The following SLC35D4 variants were observed in gnomAD, a reference collection of about 807,000 sequenced individuals.
SLC35D4 encodes the protein solute carrier family 35 member D4.
At chr18:23,401,588 C>T in the SLC35D4 span, among the ~76,000 whole-genome samples, 2 of 152,166 alleles carry the variant, frequency 1.3e-5, no homozygotes, top group African/African-American at 4.8e-5. Flanking sequence ...AGGATACAGG[C>T]CCATGGCCTG....
At chr18:23,399,986 G>A in the SLC35D4 span, among the ~76,000 whole-genome samples, 1 of 152,164 alleles carries the variant, frequency 6.6e-6, no homozygotes, top group South Asian at 2.1e-4. Context: ...CAAAAGTTTT[G>A]AATCCACTAC....
the SLC35D4 span, among the ~76,000 whole-genome samples, chr18:23,435,089 C>T: frequency 3.3e-5 from 5 of 149,538 alleles, no homozygotes; most frequent in African/African-American, 9.9e-5. Flanking sequence ...ACCTGGGAGG[C>T]GGAGGTTGTG....
the SLC35D4 span, among the ~76,000 whole-genome samples, chr18:23,430,241 T>C: frequency 1.7e-4 from 3 of 18,066 alleles, no homozygotes; most frequent in African/African-American, 4.8e-4. Flanking sequence ...CCAGTTTTCT[T>C]TTTTATTTTT....
the SLC35D4 span, among the ~76,000 whole-genome samples, chr18:23,336,118 T>C: frequency 6.6e-6 from 1 of 152,052 alleles, no homozygotes; most frequent in Non-Finnish European, 1.5e-5. Context: ...TGTCCACTCA[T>C]AGCACTCATT....
chr18:23,431,153 CAAAAA>C, the SLC35D4 span, among the ~76,000 whole-genome samples: 1 of 66,248 alleles, frequency 1.5e-5, no homozygotes, highest in Admixed American at 2.2e-4. Context: ...GAGTATATCT[CAAAAA>C]AAAAAAAAAA....
the SLC35D4 span, among the ~76,000 whole-genome samples, chr18:23,292,335 G>A: frequency 1.5e-3 from 229 of 152,326 alleles, 1 homozygote; most frequent in African/African-American, 5.2e-3. Flanking sequence ...CTGGAAACAC[G>A]CAGAGTGATA....
At chr18:23,266,675 A>G in the SLC35D4 span, among the ~76,000 whole-genome samples, 1 of 152,168 alleles carries the variant, frequency 6.6e-6, no homozygotes, top group African/African-American at 2.4e-5. Flanking sequence ...GCTTTCTTGA[A>G]ACCAAATTCC....
chr18:23,427,553 A>G, the SLC35D4 span, among the ~76,000 whole-genome samples: 1 of 152,086 alleles, frequency 6.6e-6, no homozygotes, highest in East Asian at 1.9e-4. Context: ...AAATAGGAAC[A>G]CTTTTACACT....
the SLC35D4 span, among the ~76,000 whole-genome samples, chr18:23,355,869 G>T: frequency 0.24 from 35,756 of 152,048 alleles, 5,063 homozygotes; most frequent in East Asian, 0.4. Flanking sequence ...GCAATTCTGG[G>T]GTTCAACCTG....
chr18:23,399,554 TC>T, the SLC35D4 span: 2 of 1,613,232 alleles, frequency 1.2e-6, no homozygotes, highest in African/African-American at 2.7e-5. Flanking sequence ...CCCCTGAACC[TC>T]TAATACTTAC....
At chr18:23,247,514 T>C in the SLC35D4 span, among the ~76,000 whole-genome samples, 2 of 152,184 alleles carry the variant, frequency 1.3e-5, no homozygotes, top group Non-Finnish European at 2.9e-5. Flanking sequence ...CAGTTGTGTA[T>C]CCCATGCAGC....
At chr18:23,383,754 C>T in the SLC35D4 span, among the ~76,000 whole-genome samples, 21 of 152,088 alleles carry the variant, frequency 1.4e-4, no homozygotes, top group Non-Finnish European at 2.5e-4. Flanking sequence ...GAAGGAGAGC[C>T]CATCCTCTCC....
the SLC35D4 span, chr18:23,430,559 A>C: frequency 7.6e-7 from 1 of 1,313,894 alleles, no homozygotes; most frequent in Non-Finnish European, 1.1e-6. Flanking sequence ...GCAGTTATTA[A>C]AACTATTTCA....
the SLC35D4 span, among the ~76,000 whole-genome samples, chr18:23,283,608 G>C: frequency 6.6e-6 from 1 of 151,850 alleles, no homozygotes; most frequent in Non-Finnish European, 1.5e-5. Context: ...TCAGGAGTTC[G>C]AGTCCAGTCC....
the SLC35D4 span, among the ~76,000 whole-genome samples, chr18:23,338,212 C>T: frequency 3.1e-4 from 47 of 152,208 alleles, no homozygotes; most frequent in African/African-American, 1.1e-3. Flanking sequence ...GCATCAATTG[C>T]TTCTTCTGTG....
At chr18:23,331,160 A>C in the SLC35D4 span, 1 of 152,264 alleles carries the variant, frequency 6.6e-6, no homozygotes, top group African/African-American at 2.4e-5. Flanking sequence ...CGTTTTCCAT[A>C]ATTAGTCACA....
the SLC35D4 span, among the ~76,000 whole-genome samples, chr18:23,288,393 T>C: frequency 2.0e-5 from 3 of 152,230 alleles, no homozygotes; most frequent in African/African-American, 4.8e-5. Context: ...GTGTTCCATC[T>C]GCTATTCTAC....
the SLC35D4 span, among the ~76,000 whole-genome samples, chr18:23,286,792 C>T: frequency 6.6e-6 from 1 of 152,082 alleles, no homozygotes; most frequent in Non-Finnish European, 1.5e-5. Flanking sequence ...TTAGTTATCC[C>T]CACCTGCCCA....
the SLC35D4 span, among the ~76,000 whole-genome samples, chr18:23,275,988 G>A: frequency 6.6e-6 from 1 of 152,134 alleles, no homozygotes. Flanking sequence ...TTTCTGTTAC[G>A]GATGATGAAA....
Sources: allele counts gnomAD v4.1 joint callset (sites outside exome capture counted in the v4.1 genomes callset), GRCh38; gene constraint gnomAD v4.1.1; transcripts MANE v1.5; gene names NCBI Gene and HGNC (gene_info 2026-07-23, HGNC 2026-07-21).